The following MYCBP2 variants were observed in gnomAD, a reference collection of about 807,000 sequenced individuals.
MYCBP2 encodes the protein E3 ubiquitin-protein ligase MYCBP2.
In MYCBP2, 120 loss-of-function variants were observed where a neutral mutation model predicts 525.3. That is an observed-to-expected ratio of 0.23 (90% CI 0.20 to 0.27). The LOEUF is 0.27. Ranked by LOEUF, MYCBP2 falls within the 10% of genes least tolerant of loss-of-function variation. MYCBP2 has a pLI of 1.00. For synonymous variants in MYCBP2, 1,894 were observed against 1,955.8 expected, an observed-to-expected ratio of 0.97 and a Z score of 0.83; for missense variants, 4,149 against 5,657.1, an observed-to-expected ratio of 0.73 and a Z score of 8.55.
intron 49 of MYCBP2, among the ~76,000 whole-genome samples, chr13:77,141,517 T>A (rs747946137): frequency 2.6e-5 from 4 of 152,174 alleles, no homozygotes; most frequent in Non-Finnish European, 5.9e-5. Context: ...ACAATTGTAA[T>A]CCCAGCACTT....
At position 77,263,721 on chromosome 13, in the gene MYCBP2, T is replaced by A. The variant is rs1387883499; in HGVS notation, c.1500A>T (p.Lys500Asn). The change falls in exon 10 of 83, where the codon AAA (lysine) becomes AAT (asparagine). Residue 500 changes from lysine (K) to asparagine (N), a missense_variant. Physicochemically the swap from Lys to Asn is moderately conservative, Grantham distance 94. Transcript: ENST00000544440. ...AGGCATGTAAGCATTTTCTAGCCAG[T>A]TTAAGTTGCAATTCTTGCTGTAGAA... Reference protein sequence around the residue: ...EPVLQQELQLKLARKCLHACG... With the variant: ...EPVLQQELQLNLARKCLHACG... The A allele has an allele frequency of 6.2e-7, 1 of 1,613,196 alleles. No homozygotes were observed. Among genetic ancestry groups the A allele is most frequent in the Non-Finnish European group, 8.5e-7 (1 of 1,179,432 alleles).
At chr13:77,112,916 T>C (rs1341877344) in intron 55 of MYCBP2, among the ~76,000 whole-genome samples, 1 of 152,182 alleles carries the variant, frequency 6.6e-6, no homozygotes. Context: ...TCTCTCTTAG[T>C]ATCTTCTCTT....
chr13:77,093,249 G>C lies in MYCBP2; in HGVS notation c.10283C>G (p.Pro3428Arg), dbSNP rs776984359. The change falls in exon 59 of 83, where the codon CCT becomes CGT. Residue 3428 changes from proline (P) to arginine (R), a missense_variant. Physicochemically the swap from Pro to Arg is moderately radical, Grantham distance 103 (BLOSUM62 -2). Coordinates refer to ENST00000544440, the MANE Select transcript of MYCBP2 (RefSeq NM_015057.5). ...EMRYLRSTSV[P>R]APYISVTPDA... is the part of the protein sequence containing the mutation. ...AGGAGTTACTGATATATACGGGGCA[G>C]GTACAGATGTTGAACGTAGATATCT... 1 of 1,613,370 alleles carries C rather than the reference G, an allele frequency of 6.2e-7. No homozygotes were observed. The highest frequency in any genetic ancestry group is 8.5e-7 in the Non-Finnish European group (1 of 1,179,500).
At chr13:77,187,502 C>G (rs1358810880) in intron 30 of MYCBP2, among the ~76,000 whole-genome samples, 1 of 151,922 alleles carries the variant, frequency 6.6e-6, no homozygotes, top group African/African-American at 2.4e-5. Flanking sequence ...GCTCATGAAG[C>G]AAGATGAAAT....
intron 79 of MYCBP2, among the ~76,000 whole-genome samples, chr13:77,056,462 T>C (rs1594082823): frequency 6.6e-6 from 1 of 152,180 alleles, no homozygotes; most frequent in African/African-American, 2.4e-5. Context: ...AAACAGCTTT[T>C]TGTTAATCAT....
chr13:77,098,520 T>C lies in MYCBP2; in HGVS notation c.8634A>G (p.Pro2878=). 2 of 1,613,786 alleles carry C rather than the reference T, an allele frequency of 1.2e-6. No homozygotes were observed. Among genetic ancestry groups the C allele is most frequent in the Non-Finnish European group, 1.7e-6 (2 of 1,179,810 alleles). Reference sequence around the variant, plus strand: ...GCATTTTCTTCTTGCGGAGGGTATCTGGATCAAGTGTGTAAGAGTCTGATT... The same window carrying C: ...GCATTTTCTTCTTGCGGAGGGTATCCGGATCAAGTGTGTAAGAGTCTGATT... ...RSKSDSYTLD[P]DTLRKKKMPL... Residue 2878 remains proline, a synonymous_variant, in exon 56 of 83, where the codon CCA becomes CCG. Coordinates refer to ENST00000544440, the MANE Select transcript of MYCBP2 (RefSeq NM_015057.5).
chr13:77,207,077 G>T (rs1295455250), intron 23 of MYCBP2, among the ~76,000 whole-genome samples: 1 of 152,080 alleles, frequency 6.6e-6, no homozygotes, highest in Non-Finnish European at 1.5e-5. Context: ...TATAATACTT[G>T]ACTGTATAAA....
chr13:77,113,988 G>C (rs921087258), intron 55 of MYCBP2, among the ~76,000 whole-genome samples: 3 of 152,108 alleles, frequency 2.0e-5, no homozygotes, highest in Admixed American at 2.0e-4. Context: ...TAAATCAAGT[G>C]CTTCATCCAC....
chr13:77,301,920 T>C lies in MYCBP2; in HGVS notation c.303-5246A>G, dbSNP rs528573572. On this transcript the variant is annotated intron_variant, in intron 1 of 82. Transcript: ENST00000544440. Reference sequence around the variant, plus strand: ...CATCTGAAATTAAGAACTTCTCATATGATTTTAAAAGCAGAGTAAGTTACA... The same window carrying C: ...CATCTGAAATTAAGAACTTCTCATACGATTTTAAAAGCAGAGTAAGTTACA... Among the ~76,000 whole-genome samples the C allele has an allele frequency of 1.2e-4, 18 of 152,298 alleles. No individual in the cohort carries two copies. In the East Asian group the frequency reaches 2.7e-3, roughly 23 times the overall value.
intron 74 of MYCBP2, among the ~76,000 whole-genome samples, chr13:77,062,295 T>C (rs1325283407): frequency 1.3e-5 from 2 of 152,206 alleles, no homozygotes; most frequent in African/African-American, 2.4e-5. Context: ...TAGTAAAATA[T>C]CTAGTCACTA....
chr13:77,194,220 C>T lies in MYCBP2; in HGVS notation c.3868G>A (p.Gly1290Arg). The change falls in exon 27 of 83, where the codon GGA becomes AGA. Residue 1290 changes from glycine (G) to arginine (R), a missense_variant. Gly to Arg is a moderately radical substitution (Grantham distance 125). Transcript: ENST00000544440. ...IKLFELGPDG[G>R]DHETDGDLLA... ...AGGTCACCATCAGTTTCATGATCTC[C>T]TCCATCAGGACCCAATTCAAACAGC... The T allele has an allele frequency of 6.2e-7, 1 of 1,613,264 alleles. No individual in the cohort carries two copies. The highest frequency in any genetic ancestry group is 8.5e-7 in the Non-Finnish European group (1 of 1,179,402).
In MYCBP2 at chr13:77,081,392, A is replaced by G; in HGVS notation, c.11418+35T>C. The stretch of plus-strand genomic sequence containing the variant: ...TGCATGAATACTAAGATCTGAAAAG[A>G]GCTAAAGAGCCGTAAATCACGTTTG... On this transcript the variant is annotated intron_variant, in intron 65 of 82. Transcript: ENST00000544440. This position sits in a 1 kb window ranked among gnomAD's most constrained non-coding sequence, Gnocchi z 4.6. 1 of 1,566,160 alleles carries G rather than the reference A, an allele frequency of 6.4e-7. No individual in the cohort carries two copies. The highest frequency in any genetic ancestry group is 8.8e-7 in the Non-Finnish European group (1 of 1,141,146).
intron 68 of MYCBP2, among the ~76,000 whole-genome samples, chr13:77,074,052 T>A (rs1266264267): frequency 7.1e-6 from 1 of 140,394 alleles, no homozygotes; most frequent in Non-Finnish European, 1.5e-5. Context: ...TTCTAAGCTT[T>A]ATATGGAAAT....
chr13:77,289,390 C>T (rs57286952), intron 2 of MYCBP2, among the ~76,000 whole-genome samples: 2 of 151,870 alleles, frequency 1.3e-5, no homozygotes, highest in Non-Finnish European at 2.9e-5. Context: ...TGAGGTTTAA[C>T]CCAGGGACAA....
intron 13 of MYCBP2, among the ~76,000 whole-genome samples, chr13:77,258,658 C>T (rs1164461513): frequency 6.6e-6 from 1 of 152,000 alleles, no homozygotes; most frequent in East Asian, 1.9e-4. Context: ...GTTAATTATA[C>T]CTCAAAAATT....
chr13:77,079,606 G>A (rs1396686272), intron 65 of MYCBP2, among the ~76,000 whole-genome samples: 1 of 152,108 alleles, frequency 6.6e-6, no homozygotes, highest in African/African-American at 2.4e-5. Flanking sequence ...GGAACATGGA[G>A]GTACATAACT....
At position 77,326,485 on chromosome 13, in the gene MYCBP2, G is replaced by A; in HGVS notation, c.291C>T (p.His97=). 6.3e-7 allele frequency: 1 copy of A among 1,577,288 alleles called. No homozygotes were observed. ...CCCTGGGGACGCACCTGGAGGCTGG[G>A]TGTCCAGCGCTGCCGCCCCCCTGGT... ...DRDQGGGSAG[H]PASRNKKILN... Residue 97 remains histidine (H), a synonymous_variant, in exon 1 of 83, where the codon CAC becomes CAT. Transcript: ENST00000544440. This position sits in a 1 kb window ranked among gnomAD's most constrained non-coding sequence, Gnocchi z 4.2.
intron 82 of MYCBP2, among the ~76,000 whole-genome samples, chr13:77,049,565 T>C (rs1341562869): frequency 6.6e-6 from 1 of 152,226 alleles, no homozygotes; most frequent in East Asian, 1.9e-4. Context: ...GGTTTCTTTA[T>C]GTAAATATAA....
intron 69 of MYCBP2, 59 bp downstream of exon 69, chr13:77,070,572 A>AC (rs2041024219): frequency 4.5e-5 from 52 of 1,143,518 alleles, no homozygotes; most frequent in Non-Finnish European, 5.5e-5. Flanking sequence ...ACAAACAAAC[A>AC]AACACACACA....
Sources: allele counts gnomAD v4.1 joint callset (sites outside exome capture counted in the v4.1 genomes callset), GRCh38; gene constraint gnomAD v4.1.1; non-coding constraint Gnocchi (gnomAD v3.1); transcripts MANE v1.5; gene names NCBI Gene and HGNC (gene_info 2026-07-23, HGNC 2026-07-21).